The following PDE8B variants were observed in gnomAD, a reference collection of about 807,000 sequenced individuals.
The protein encoded by PDE8B is phosphodiesterase 8B.
In PDE8B, 26 loss-of-function variants were observed where a neutral mutation model predicts 101.3. That is an observed-to-expected ratio of 0.26 (90% confidence interval 0.19 to 0.36). The LOEUF is 0.36. Among genes scored for constraint, PDE8B ranks in the 10% least tolerant of loss-of-function variants. PDE8B has a pLI of 1.00. For missense variants in PDE8B, 810 were observed against 1,163.1 expected (o/e 0.70, Z 4.42); for synonymous variants, 424 against 429.3 (o/e 0.99, Z 0.15).
At chr5:77,313,897 A>ATAC (rs1773232241) in intron 2 of PDE8B, among the ~76,000 whole-genome samples, 2 of 152,146 alleles carry the variant, frequency 1.3e-5, no homozygotes, top group South Asian at 4.1e-4. Context: ...CTTGTTTTGA[A>ATAC]TACTTTTTAG....
intron 1 of PDE8B, among the ~76,000 whole-genome samples, chr5:77,246,576 G>T (rs1376021532): frequency 6.6e-6 from 1 of 152,162 alleles, no homozygotes; most frequent in Non-Finnish European, 1.5e-5. Flanking sequence ...TCCAATTTCG[G>T]TGAACTTAAA....
upstream of PDE8B, among the ~76,000 whole-genome samples, chr5:77,208,467 T>C (rs1176059308): frequency 6.6e-6 from 1 of 152,198 alleles, no homozygotes; most frequent in Non-Finnish European, 1.5e-5. Context: ...TAGAGACTAG[T>C]GTTTTTGCAA....
In PDE8B at chr5:77,412,080, C is replaced by A. The variant is rs372977945; in HGVS notation, c.1577-20C>A. ...GATTCCACAATTAACCAGCCTCCCC[C>A]ATCCCATCTGTTTGCTCAGATGTGC... On this transcript the variant is annotated intron_variant, in intron 15 of 21. Coordinates refer to ENST00000264917, the MANE Select transcript of PDE8B (RefSeq NM_003719.5). 6.2e-7 allele frequency: 1 copy of A among 1,613,640 alleles called. No homozygotes were observed. Among genetic ancestry groups the A allele is most frequent in the Non-Finnish European group, 8.5e-7 (1 of 1,179,708 alleles).
the PDE8B span, among the ~76,000 whole-genome samples, chr5:77,122,197 A>C: frequency 6.6e-6 from 1 of 152,198 alleles, no homozygotes; most frequent in Non-Finnish European, 1.5e-5. Context: ...TTGTAAAGTC[A>C]TGATCACTGC....
intron 10 of PDE8B, among the ~76,000 whole-genome samples, chr5:77,392,830 A>C (rs571698059): frequency 6.6e-6 from 1 of 152,248 alleles, no homozygotes; most frequent in East Asian, 1.9e-4. Context: ...GGAGGTTCAC[A>C]GGCTGTTGGA....
intron 18 of PDE8B, among the ~76,000 whole-genome samples, chr5:77,419,139 G>A (rs547996611): frequency 1.3e-5 from 2 of 152,306 alleles, no homozygotes; most frequent in South Asian, 2.1e-4. Context: ...CATCAGTATC[G>A]AGGATGGGTT....
chr5:77,230,163 T>C (rs867406837), intron 1 of PDE8B, among the ~76,000 whole-genome samples: 26 of 152,222 alleles, frequency 1.7e-4, no homozygotes, highest in East Asian at 1.9e-4. Context: ...CGTGGTTTGA[T>C]TTGCATTTCC....
chr5:77,194,685 G>A, the PDE8B span, among the ~76,000 whole-genome samples: 4 of 152,124 alleles, frequency 2.6e-5, no homozygotes, highest in African/African-American at 9.7e-5. Flanking sequence ...CATATAAATG[G>A]AATCATAATA....
chr5:77,124,989 G>T, the PDE8B span, among the ~76,000 whole-genome samples: 1 of 152,054 alleles, frequency 6.6e-6, no homozygotes, highest in Non-Finnish European at 1.5e-5. Flanking sequence ...ACGTTGTTTT[G>T]TTTCACTTTT....
chr5:77,308,949 C>T (rs1186459439), intron 1 of PDE8B, among the ~76,000 whole-genome samples: 4 of 152,020 alleles, frequency 2.6e-5, no homozygotes, highest in African/African-American at 7.2e-5. Context: ...GAGGCCGAGG[C>T]GGGCAGATCA....
chr5:77,283,772 A>G (rs1420889667), intron 1 of PDE8B, among the ~76,000 whole-genome samples: 1 of 152,218 alleles, frequency 6.6e-6, no homozygotes, highest in Admixed American at 6.5e-5. Flanking sequence ...AGTTTGGGCA[A>G]TTATGAATAA....
intron 1 of PDE8B, among the ~76,000 whole-genome samples, chr5:77,239,705 T>C (rs1340164759): frequency 1.3e-5 from 2 of 152,218 alleles, no homozygotes; most frequent in African/African-American, 2.4e-5. Flanking sequence ...TTTAAAACTT[T>C]CCACACATCT....
chr5:77,258,327 C>T (rs1043462781), intron 1 of PDE8B, among the ~76,000 whole-genome samples: 2 of 149,302 alleles, frequency 1.3e-5, no homozygotes, highest in Non-Finnish European at 3.0e-5. Flanking sequence ...CAGAGCAGAC[C>T]AGTGTGTTTA....
chr5:77,385,018 G>A (rs184863839), intron 10 of PDE8B, among the ~76,000 whole-genome samples: 1 of 152,178 alleles, frequency 6.6e-6, no homozygotes, highest in Admixed American at 6.5e-5. Flanking sequence ...CCCTCTTTTT[G>A]TATTGTTTGG....
chr5:77,101,395 G>A, the PDE8B span, among the ~76,000 whole-genome samples: 1 of 152,172 alleles, frequency 6.6e-6, no homozygotes, highest in Admixed American at 6.5e-5. Context: ...CTATCAGCAT[G>A]CTGTTGCTTT....
intron 17 of PDE8B, among the ~76,000 whole-genome samples, chr5:77,415,516 C>G (rs1465978873): frequency 6.6e-6 from 1 of 151,980 alleles, no homozygotes; most frequent in African/African-American, 2.4e-5. Flanking sequence ...TGCCACCAAG[C>G]CCAGGCTAAT....
At chr5:77,403,731 G>A (rs1971620) in intron 11 of PDE8B, among the ~76,000 whole-genome samples, 127,361 of 152,168 alleles carry the variant, frequency 0.84, 53,730 homozygotes, top group African/African-American at 0.94. Context: ...TAGCTATGGT[G>A]TTCAGATTAA....
At chr5:77,292,618 C>G (rs1767617059) in intron 1 of PDE8B, among the ~76,000 whole-genome samples, 1 of 152,126 alleles carries the variant, frequency 6.6e-6, no homozygotes, top group South Asian at 2.1e-4. Context: ...TTTGGATTGC[C>G]AGAGAGGCTG....
chr5:77,305,022 A>G (rs1349200608), intron 1 of PDE8B, among the ~76,000 whole-genome samples: 2 of 152,146 alleles, frequency 1.3e-5, no homozygotes, highest in African/African-American at 4.8e-5. Context: ...TGTTGAGTAA[A>G]TGGATATGTA....
Sources: gnomAD v4.1 joint callset for allele counts (sites outside exome capture counted in the v4.1 genomes callset) on GRCh38, gnomAD v4.1.1 for gene constraint, MANE v1.5 for transcripts, NCBI Gene and HGNC (gene_info 2026-07-23, HGNC 2026-07-21) for gene names.